The following KCNJ6 variants were observed in gnomAD, a reference collection of about 807,000 sequenced individuals.
KCNJ6 encodes potassium inwardly rectifying channel subfamily J member 6.
Under a neutral mutation model 34.2 loss-of-function variants are expected in KCNJ6, and 9 were observed. The observed-to-expected ratio is 0.26, with a 90% CI of 0.16 to 0.46. KCNJ6 has a LOEUF of 0.46. Ranked by LOEUF, KCNJ6 falls within the 20% of genes least tolerant of loss-of-function variation. The pLI is 1.00. For synonymous variants in KCNJ6, 196 were observed against 207.1 expected (o/e 0.95, Z 0.46); for missense variants, 236 against 531.3 (o/e 0.44, Z 5.46).
chr21:37,716,453 C>CA (rs1327648805), intron 2 of KCNJ6, among the ~76,000 whole-genome samples: 3 of 150,414 alleles, frequency 2.0e-5, no homozygotes, highest in Non-Finnish European at 4.4e-5. Flanking sequence ...CATCATAGCT[C>CA]TCTGCAGCCT....
intron 3 of KCNJ6, among the ~76,000 whole-genome samples, chr21:37,674,107 C>T (rs2054553806): frequency 6.6e-6 from 1 of 152,200 alleles, no homozygotes; most frequent in African/African-American, 2.4e-5. Context: ...GAAATATGCC[C>T]CAGATATGGT....
chr21:37,702,908 G>C (rs1344172626), intron 3 of KCNJ6, among the ~76,000 whole-genome samples: 1 of 152,270 alleles, frequency 6.6e-6, no homozygotes, highest in East Asian at 1.9e-4. Context: ...GGGAACCCAG[G>C]AACAGTGGAG....
In KCNJ6 at chr21:37,809,363, C is replaced by G. The variant is rs532890174; in HGVS notation, c.25+31295G>C. Among the ~76,000 whole-genome samples the G allele has an allele frequency of 2.6e-3, 381 of 149,046 alleles. 3 individuals are homozygous for G. Among genetic ancestry groups the G allele is most frequent in the Non-Finnish European group, 4.5e-3 (302 of 67,426 alleles). Reference sequence around the variant, plus strand: ...ACACAGGAAGGGGAACATCACACTCCGGGGCCTGTTGTGGGGTGGGGAGAG... The same window carrying G: ...ACACAGGAAGGGGAACATCACACTCGGGGGCCTGTTGTGGGGTGGGGAGAG... On this transcript the variant is annotated intron_variant, in intron 2 of 3. Coordinates refer to ENST00000609713, the MANE Select transcript of KCNJ6 (RefSeq NM_002240.5).
chr21:37,852,082 A>T (rs2055540636), intron 1 of KCNJ6, among the ~76,000 whole-genome samples: 1 of 152,230 alleles, frequency 6.6e-6, no homozygotes, highest in Non-Finnish European at 1.5e-5. Flanking sequence ...CAAACATTAT[A>T]GAAAAAACAG....
At chr21:37,782,549 C>T (rs1601468883) in intron 2 of KCNJ6, among the ~76,000 whole-genome samples, 2 of 152,182 alleles carry the variant, frequency 1.3e-5, no homozygotes. Context: ...CCCCGTGTGG[C>T]TTTCCTCCTT....
chr21:37,720,898 G>A (rs903057773), intron 2 of KCNJ6, among the ~76,000 whole-genome samples: 2 of 151,102 alleles, frequency 1.3e-5, no homozygotes, highest in Admixed American at 6.6e-5. Context: ...TAGTAGAGAC[G>A]GGGTTTCACC....
intron 3 of KCNJ6, among the ~76,000 whole-genome samples, chr21:37,661,617 T>TTTTTTTTTTTTTG (rs2054489112): frequency 2.3e-5 from 1 of 43,428 alleles, no homozygotes; most frequent in Admixed American, 2.4e-4. Flanking sequence ...AGACATAGTT[T>TTTTTTTTTTTTTG]TTTTTTTTTT....
chr21:37,878,765 G>T (rs1024106872), intron 1 of KCNJ6, among the ~76,000 whole-genome samples: 1 of 152,126 alleles, frequency 6.6e-6, no homozygotes, highest in East Asian at 1.9e-4. Flanking sequence ...AAGAGGGTCC[G>T]GGAGGGAAAG....
chr21:37,880,948 G>A (rs1450032719), intron 1 of KCNJ6, among the ~76,000 whole-genome samples: 1 of 152,146 alleles, frequency 6.6e-6, no homozygotes, highest in African/African-American at 2.4e-5. Context: ...GGCTCAGGAG[G>A]GATGGGAGGA....
At chr21:37,719,660 TCTC>T (rs2054813981) in intron 2 of KCNJ6, 1 of 152,226 alleles carries the variant, frequency 6.6e-6, no homozygotes, top group South Asian at 2.1e-4. Flanking sequence ...GGTCAGTTTT[TCTC>T]CTCCTCTCTT....
Position 37,615,567 on chromosome 21 carries a change from G to A in KCNJ6, c.*9592C>T, listed in dbSNP as rs539046760. The A allele has an allele frequency of 6.6e-6, 1 of 152,282 alleles. No individual in the cohort carries two copies. Among genetic ancestry groups the A allele is most frequent in the South Asian group, 2.1e-4 (1 of 4,816 alleles). 9.4% of individuals were successfully genotyped at this position (152,282 alleles called of 1,614,324 possible). ...CCACTTTACCTTTTATGCCAATATA[G>A]GGGAGTCTATTCTCAAGTTCAAAGC... On this transcript the variant is annotated 3_prime_UTR_variant, in exon 4 of 4. Coordinates refer to ENST00000609713, the MANE Select transcript of KCNJ6 (RefSeq NM_002240.5).
chr21:37,712,877 C>T (rs1489209358), intron 3 of KCNJ6, among the ~76,000 whole-genome samples: 2 of 151,460 alleles, frequency 1.3e-5, no homozygotes, highest in South Asian at 2.1e-4. Context: ...GTCCTGTTAA[C>T]ACCTGGAGCA....
chr21:37,720,059 A>G (rs141726421), intron 2 of KCNJ6, among the ~76,000 whole-genome samples: 1 of 152,274 alleles, frequency 6.6e-6, no homozygotes, highest in East Asian at 1.9e-4. Context: ...CAAAGATTGG[A>G]AGGAAATACA....
At position 37,714,539 on chromosome 21, in the gene KCNJ6, G is replaced by A. The variant is rs374502191; in HGVS notation, c.618C>T (p.Ser206=). 28 of 1,614,124 alleles carry A rather than the reference G, an allele frequency of 1.7e-5. 1 individual carries two copies. The highest frequency in any genetic ancestry group is 1.6e-4 in the Middle Eastern group (1 of 6,062). The change falls in exon 3 of 4, where the codon TCC becomes TCT. Residue 206 remains serine, a synonymous_variant. Transcript: ENST00000609713. This position sits in a 1 kb window ranked among gnomAD's most constrained non-coding sequence, Gnocchi z 5.9. ...PKKRAETLVF[S]THAVISMRDG... is the part of the protein sequence containing the mutation. Reference sequence around the variant, plus strand: ...CCCGCATGGAGATCACTGCATGGGTGGAAAAGACCAGGGTCTCTGCCCTCT... The same window carrying A: ...CCCGCATGGAGATCACTGCATGGGTAGAAAAGACCAGGGTCTCTGCCCTCT...
chr21:37,853,853 T>TATATACATATATATAC (rs2055550570), intron 1 of KCNJ6, among the ~76,000 whole-genome samples: 1 of 142,292 alleles, frequency 7.0e-6, no homozygotes, highest in Non-Finnish European at 1.5e-5. Context: ...TATGTATATA[T>TATATACATATATATAC]ATATATATAA....
intron 2 of KCNJ6, among the ~76,000 whole-genome samples, chr21:37,747,633 G>C (rs908062408): frequency 1.4e-4 from 21 of 152,132 alleles, no homozygotes; most frequent in South Asian, 2.1e-4. Context: ...GGAGAGGGAG[G>C]CAGGAGAGGG....
chr21:37,837,933 G>A (rs535395457), intron 2 of KCNJ6, among the ~76,000 whole-genome samples: 2 of 152,240 alleles, frequency 1.3e-5, no homozygotes, highest in African/African-American at 4.8e-5. Context: ...CACATGATTA[G>A]CATTTTGTAG....
chr21:37,705,841 A>G (rs1436100010), intron 3 of KCNJ6, among the ~76,000 whole-genome samples: 1 of 152,248 alleles, frequency 6.6e-6, no homozygotes, highest in South Asian at 2.1e-4. Flanking sequence ...GGCAGTATAC[A>G]ATGGCCAACT....
intron 1 of KCNJ6, among the ~76,000 whole-genome samples, chr21:37,894,430 C>T (rs1057266728): frequency 5.3e-5 from 8 of 152,156 alleles, no homozygotes; most frequent in African/African-American, 1.2e-4. Context: ...TTTGGGAGGC[C>T]GAGGCAGGTG....
Sources: allele counts gnomAD v4.1 joint callset (sites outside exome capture counted in the v4.1 genomes callset), GRCh38; gene constraint gnomAD v4.1.1; non-coding constraint Gnocchi (gnomAD v3.1); transcripts MANE v1.5; gene names NCBI Gene and HGNC (gene_info 2026-07-23, HGNC 2026-07-21).